OPHN1: variants seen among roughly 807,000 people sequenced by gnomAD.
OPHN1 encodes oligophrenin-1.
In OPHN1, 11 loss-of-function variants were observed where a neutral mutation model predicts 60.7. That is an observed-to-expected ratio of 0.18 (90% CI 0.11 to 0.30). OPHN1 has a LOEUF of 0.30. Among genes scored for constraint, OPHN1 ranks in the 10% least tolerant of loss-of-function variants. The pLI, the probability that OPHN1 is intolerant of heterozygous loss-of-function variation, is 1.00. For synonymous variants in OPHN1, 226 were observed against 222.6 expected (o/e 1.02, Z -0.14); for missense variants, 449 against 611.0 (o/e 0.73, Z 2.80).
chrX:68,200,504 T>C (rs1436913328), intron 11 of OPHN1, among the ~76,000 whole-genome samples: 1 of 111,433 alleles, frequency 9.0e-6, no homozygotes, highest in Non-Finnish European at 1.9e-5. Flanking sequence ...CCCTTCCTAC[T>C]GGAACTGAGG....
chrX:68,373,955 C>T (rs1288639358), intron 2 of OPHN1, among the ~76,000 whole-genome samples: 1 of 111,327 alleles, frequency 9.0e-6, no homozygotes, highest in East Asian at 2.8e-4. Context: ...AAATATAACT[C>T]AAAATACATA....
At chrX:68,066,794 A>C (rs1346290634) in intron 20 of OPHN1, among the ~76,000 whole-genome samples, 1 of 112,212 alleles carries the variant, frequency 8.9e-6, no homozygotes, top group African/African-American at 3.2e-5. Flanking sequence ...TGGAAACGCC[A>C]AATTTCAAAT....
Position 68,184,437 on chromosome X carries a change from G to A in OPHN1, c.1276+8482C>T, listed in dbSNP as rs190523338. 2.0e-3 allele frequency among the ~76,000 whole-genome samples: 213 copies of A among 106,405 alleles called. 1 individual carries two copies. Among genetic ancestry groups the A allele is most frequent in the African/African-American group, 7.0e-3 (206 of 29,290 alleles). The allele number at this position is 106,405 out of a possible 115,157, so 92.4% of individuals were successfully genotyped here. The stretch of plus-strand genomic sequence containing the variant: ...CTTGGGAGGCTGAGGCAGGAGAATC[G>A]CTTAAACCCAGGAGGCGGAGGCTGT... On this transcript the variant is annotated intron_variant, in intron 15 of 24. Coordinates refer to ENST00000355520, the MANE Select transcript of OPHN1 (RefSeq NM_002547.3).
intron 4 of OPHN1, among the ~76,000 whole-genome samples, chrX:68,280,561 A>G (rs1234248576): frequency 8.0e-5 from 9 of 111,836 alleles, no homozygotes; most frequent in Non-Finnish European, 1.5e-4. Flanking sequence ...TTTATAGGTA[A>G]ATTAGTTCTG....
At chrX:68,411,595 T>C (rs1007301695) in intron 2 of OPHN1, among the ~76,000 whole-genome samples, 1 of 112,167 alleles carries the variant, frequency 8.9e-6, no homozygotes, top group African/African-American at 3.2e-5. Flanking sequence ...TCGTGTCCTT[T>C]ATACACTTAT....
At chrX:68,205,903 A>G (rs1442827203) in intron 10 of OPHN1, among the ~76,000 whole-genome samples, 1 of 111,025 alleles carries the variant, frequency 9.0e-6, no homozygotes, top group African/African-American at 3.3e-5. Flanking sequence ...CTTTTAGAAT[A>G]TAAACAATCT....
chrX:68,067,638 C>A (rs1243296411), intron 20 of OPHN1, among the ~76,000 whole-genome samples: 1 of 110,933 alleles, frequency 9.0e-6, no homozygotes, highest in Non-Finnish European at 1.9e-5. Context: ...AGCTAGGGGA[C>A]CGCTGTTGAG....
intron 21 of OPHN1, among the ~76,000 whole-genome samples, chrX:68,063,193 A>T (rs669499): frequency 0.052 from 5,705 of 109,705 alleles, 388 homozygotes; most frequent in African/African-American, 0.18. Context: ...TTTCCAAATT[A>T]AAAAAAACAA....
intron 4 of OPHN1, among the ~76,000 whole-genome samples, chrX:68,275,408 G>A (rs1394217353): frequency 9.0e-6 from 1 of 111,680 alleles, no homozygotes; most frequent in Non-Finnish European, 1.9e-5. Context: ...ATGTTCTGGA[G>A]ATATGAAAAC....
chrX:68,265,545 G>C (rs949452216), intron 5 of OPHN1, among the ~76,000 whole-genome samples: 17 of 111,293 alleles, frequency 1.5e-4, no homozygotes. Context: ...AATCATCAAA[G>C]ACCAAAGGTA....
intron 16 of OPHN1, 136 bp from the exon 17 acceptor site, chrX:68,113,375 G>A (rs939848688): frequency 1.4e-5 from 7 of 517,332 alleles, no homozygotes; most frequent in Non-Finnish European, 2.4e-5. Flanking sequence ...CTCTTCACCT[G>A]AAGCTTCGTC....
intron 5 of OPHN1, among the ~76,000 whole-genome samples, chrX:68,265,351 C>G (rs1602281672): frequency 2.7e-5 from 3 of 111,720 alleles, no homozygotes; most frequent in African/African-American, 9.8e-5. Context: ...AATGATCAGG[C>G]AGCAACATTT....
chrX:68,048,164 C>T (rs776124878), intron 24 of OPHN1, among the ~76,000 whole-genome samples: 1 of 111,817 alleles, frequency 8.9e-6, no homozygotes, highest in African/African-American at 3.3e-5. Flanking sequence ...CAAAGGCAAT[C>T]TGTAAAAGCG....
intron 6 of OPHN1, among the ~76,000 whole-genome samples, chrX:68,218,759 T>TA (rs1457011262): frequency 1.1e-5 from 1 of 94,818 alleles, no homozygotes; most frequent in Non-Finnish European, 2.1e-5. Flanking sequence ...AGGCCTGCCT[T>TA]ACAAGAGCTC....
At chrX:68,195,014 G>GA (rs1223096847) in intron 12 of OPHN1, among the ~76,000 whole-genome samples, 1,230 of 59,744 alleles carry the variant, frequency 0.021, 53 homozygotes, top group African/African-American at 0.1. Flanking sequence ...AAGGAAGGAA[G>GA]GAAGGAAGGA....
intron 2 of OPHN1, among the ~76,000 whole-genome samples, chrX:68,340,984 G>C (rs1260836383): frequency 1.1e-5 from 1 of 93,430 alleles, no homozygotes; most frequent in African/African-American, 4.1e-5. Flanking sequence ...TGGGCAACGA[G>C]AACAAAACTC....
chrX:68,418,476 C>T (rs886798543), intron 2 of OPHN1, among the ~76,000 whole-genome samples: 1 of 111,183 alleles, frequency 9.0e-6, no homozygotes, highest in Admixed American at 9.6e-5. Flanking sequence ...CTGGGACAGA[C>T]ATCAGGGAGA....
chrX:68,416,667 A>G (rs1434336428), intron 2 of OPHN1, among the ~76,000 whole-genome samples: 4 of 112,017 alleles, frequency 3.6e-5, no homozygotes, highest in Non-Finnish European at 5.6e-5. Context: ...CCAAGCTTTC[A>G]TTATGTATGC....
chrX:68,408,885 C>T (rs1219303681), intron 2 of OPHN1, among the ~76,000 whole-genome samples: 1 of 112,399 alleles, frequency 8.9e-6, no homozygotes, highest in Non-Finnish European at 1.9e-5. Context: ...CACTTGAACT[C>T]GGGAAGCGGA....
Sources: allele counts gnomAD v4.1 joint callset (sites outside exome capture counted in the v4.1 genomes callset), GRCh38; gene constraint gnomAD v4.1.1; transcripts MANE v1.5; gene names NCBI Gene and HGNC (gene_info 2026-07-23, HGNC 2026-07-21).